The following AMBRA1 variants were observed in gnomAD, a reference collection of about 807,000 sequenced individuals.
AMBRA1 encodes the protein activating molecule in BECN1-regulated autophagy protein 1.
A neutral mutation model predicts 125.4 loss-of-function variants in AMBRA1; 47 were observed. The observed-to-expected ratio is 0.37, with a 90% CI of 0.30 to 0.48. AMBRA1 has a LOEUF of 0.48. Among genes scored for constraint, AMBRA1 ranks in the 20% least tolerant of loss-of-function variants. The pLI is 0.99. For synonymous variants in AMBRA1, 626 were observed against 655.5 expected (o/e 0.95, Z 0.69); for missense variants, 1,331 against 1,693.4 (o/e 0.79, Z 3.76).
chr11:46,504,659 T>C (rs1418452501), intron 9 of AMBRA1: 1 of 152,198 alleles, frequency 6.6e-6, no homozygotes, highest in East Asian at 1.9e-4. Context: ...CCCAGGAAGA[T>C]GGTCATTCAT....
chr11:46,401,751 T>G (rs943966989), intron 17 of AMBRA1, among the ~76,000 whole-genome samples: 1 of 152,250 alleles, frequency 6.6e-6, no homozygotes. Context: ...TAACTGGGCT[T>G]CTTGCTTCCA....
chr11:46,544,304 C>T (rs571226909), intron 5 of AMBRA1, among the ~76,000 whole-genome samples: 24 of 152,326 alleles, frequency 1.6e-4, no homozygotes, highest in African/African-American at 5.5e-4. Context: ...GAAACAGCTA[C>T]CTTAAGCACA....
chr11:46,514,406 G>C (rs1951390975), intron 7 of AMBRA1, among the ~76,000 whole-genome samples: 1 of 152,150 alleles, frequency 6.6e-6, no homozygotes, highest in South Asian at 2.1e-4. Context: ...CCCATACTTA[G>C]ACACTTGTAA....
chr11:46,543,535 C>T, intron 6 of AMBRA1, 137 bp from the exon 7 acceptor site: 2 of 1,099,604 alleles, frequency 1.8e-6, no homozygotes, highest in Non-Finnish European at 2.6e-6. Flanking sequence ...CTCTCTACCC[C>T]TGAAGCACTG....
At chr11:46,527,306 C>T (rs780881095) in intron 7 of AMBRA1, among the ~76,000 whole-genome samples, 66 of 151,322 alleles carry the variant, frequency 4.4e-4, no homozygotes, top group Admixed American at 9.9e-4. Flanking sequence ...ACAGCAAGAC[C>T]CCATCTCTAC....
At chr11:46,443,450 A>T (rs749640272) in intron 12 of AMBRA1, 38 bp downstream of exon 12, 1 of 1,543,598 alleles carries the variant, frequency 6.5e-7, no homozygotes, top group Non-Finnish European at 9.0e-7. Context: ...CAGCAAATAT[A>T]ACCCTTCCAC....
intron 12 of AMBRA1, among the ~76,000 whole-genome samples, chr11:46,440,834 T>C (rs1193048548): frequency 6.6e-6 from 1 of 152,174 alleles, no homozygotes; most frequent in Non-Finnish European, 1.5e-5. Context: ...AAGACTGGCA[T>C]CAGGAAATGC....
At chr11:46,547,451 A>T in intron 3 of AMBRA1, 155 bp from the exon 4 acceptor site, 1 of 669,556 alleles carries the variant, frequency 1.5e-6, no homozygotes. Flanking sequence ...ACAAACAGAA[A>T]TATTCTGATC....
chr11:46,545,810 T>C (rs747092468), intron 4 of AMBRA1, 34 bp from the exon 5 acceptor site: 37 of 1,607,364 alleles, frequency 2.3e-5, no homozygotes, highest in Non-Finnish European at 3.0e-5. Flanking sequence ...ATTCTCAGGT[T>C]ACAAGCTACC....
chr11:46,589,849 C>A, intron 1 of AMBRA1, among the ~76,000 whole-genome samples: 1 of 151,372 alleles, frequency 6.6e-6, no homozygotes, highest in East Asian at 2.0e-4. Flanking sequence ...GTCTCAATCT[C>A]CTGACCTCAT....
intron 12 of AMBRA1, among the ~76,000 whole-genome samples, chr11:46,440,876 G>T (rs1412976304): frequency 3.3e-5 from 5 of 152,136 alleles, no homozygotes; most frequent in Non-Finnish European, 5.9e-5. Context: ...TTATTTTAAG[G>T]CAACTGGCAA....
intron 11 of AMBRA1, among the ~76,000 whole-genome samples, chr11:46,450,606 A>G (rs546899737): frequency 6.6e-6 from 1 of 151,240 alleles, no homozygotes; most frequent in South Asian, 2.1e-4. Flanking sequence ...TGACCAGCTG[A>G]TTTTTTTTGT....
chr11:46,543,845 G>T, intron 6 of AMBRA1, 130 bp downstream of exon 6: 1 of 794,238 alleles, frequency 1.3e-6, no homozygotes, highest in South Asian at 1.7e-5. Context: ...TCTGAAGCTA[G>T]CTTTAAATCT....
Position 46,548,408 on chromosome 11 carries a change from G to T in AMBRA1, c.-28C>A, listed in dbSNP as rs1253362331. 6.2e-7 allele frequency: 1 copy of T among 1,611,886 alleles called. No individual in the cohort carries two copies. The highest frequency in any genetic ancestry group is 8.5e-7 in the Non-Finnish European group (1 of 1,179,448). On this transcript the variant is annotated 5_prime_UTR_variant, in exon 2 of 18. Transcript: ENST00000683756. ...CGCTCAGTAGCCACTGTCACACCAG[G>T]CCCAGGAAATGAAGGAGCAAGTAAC...
At chr11:46,589,101 A>G (rs968067735) in intron 1 of AMBRA1, among the ~76,000 whole-genome samples, 1 of 152,226 alleles carries the variant, frequency 6.6e-6, no homozygotes, top group African/African-American at 2.4e-5. Flanking sequence ...AAGACTTCTC[A>G]GGTAGTAAAC....
At chr11:46,564,414 A>G (rs2043450290) in intron 1 of AMBRA1, among the ~76,000 whole-genome samples, 1 of 152,152 alleles carries the variant, frequency 6.6e-6, no homozygotes, top group Non-Finnish European at 1.5e-5. Flanking sequence ...GAAGATGGGT[A>G]CTGTTATTCC....
chr11:46,437,624 T>C (rs1299040401), intron 12 of AMBRA1, among the ~76,000 whole-genome samples: 1 of 152,246 alleles, frequency 6.6e-6, no homozygotes, highest in African/African-American at 2.4e-5. Flanking sequence ...AATGTTCAGT[T>C]ACAATAAGTG....
intron 15 of AMBRA1, among the ~76,000 whole-genome samples, chr11:46,416,620 GAA>G (rs567823781): frequency 3.9e-5 from 6 of 152,186 alleles, no homozygotes; most frequent in Non-Finnish European, 8.8e-5. Flanking sequence ...TCCTTTAGGA[GAA>G]ACTATCAAGG....
chr11:46,558,575 C>A (rs893874947), intron 1 of AMBRA1, among the ~76,000 whole-genome samples: 15 of 135,308 alleles, frequency 1.1e-4, no homozygotes, highest in African/African-American at 2.4e-4. Context: ...AAAAAAAAAA[C>A]CACTACCTAC....
Sources: gnomAD v4.1 joint callset for allele counts (sites outside exome capture counted in the v4.1 genomes callset) on GRCh38, gnomAD v4.1.1 for gene constraint, MANE v1.5 for transcripts, NCBI Gene and HGNC (gene_info 2026-07-23, HGNC 2026-07-21) for gene names.